ZNF83: variants seen among roughly 807,000 people sequenced by gnomAD.
The protein encoded by ZNF83 is zinc finger protein 83, also known as zinc finger protein 816B.
For synonymous variants in ZNF83, 209 were observed against 213.0 expected (o/e 0.98, Z 0.17); for missense variants, 552 against 629.9 (o/e 0.88, Z 1.32).
chr19:52,689,017 CATT>C (rs2062097777), intron 1 of ZNF83, among the ~76,000 whole-genome samples: 1 of 149,810 alleles, frequency 6.7e-6, no homozygotes, highest in African/African-American at 2.5e-5. Context: ...GCTTCTTAAG[CATT>C]ATTATGTTTT....
intron 1 of ZNF83, among the ~76,000 whole-genome samples, chr19:52,669,983 A>G (rs1333142393): frequency 6.6e-6 from 1 of 152,272 alleles, no homozygotes; most frequent in Non-Finnish European, 1.5e-5. Context: ...AATGTTAGAT[A>G]TGAGTTCTAA....
At chr19:52,612,960 A>G (rs2060151569) in exon 3 of ZNF83, 1 of 1,452,422 alleles carries the variant, frequency 6.9e-7, no homozygotes, top group East Asian at 2.3e-5. Context: ...TTTCTCCAGT[A>G]TAAATTATTG....
intron 2 of ZNF83, among the ~76,000 whole-genome samples, chr19:52,620,100 A>G (rs1404088302): frequency 6.6e-6 from 1 of 152,200 alleles, no homozygotes; most frequent in Non-Finnish European, 1.5e-5. Context: ...TTTTTTATAT[A>G]TATGTCCACA....
intron 1 of ZNF83, among the ~76,000 whole-genome samples, chr19:52,673,900 C>T (rs1304605365): frequency 2.7e-5 from 4 of 149,242 alleles, no homozygotes; most frequent in Non-Finnish European, 3.0e-5. Context: ...CCTGTAATCC[C>T]AGCTACTAGG....
exon 3 of ZNF83, chr19:52,614,756 T>G: frequency 1.5e-6 from 2 of 1,292,604 alleles, no homozygotes; most frequent in Non-Finnish European, 2.0e-6. Flanking sequence ...TTACTCTCCT[T>G]TTTTGGTGGT....
At chr19:52,621,985 C>T (rs553266310) in intron 2 of ZNF83, among the ~76,000 whole-genome samples, 19 of 152,216 alleles carry the variant, frequency 1.2e-4, no homozygotes, top group Admixed American at 1.2e-3. Context: ...TCAGTCCCAA[C>T]ACCAACTGCT....
chr19:52,663,502 T>TAGAG (rs2061606123), intron 1 of ZNF83, among the ~76,000 whole-genome samples: 1 of 152,202 alleles, frequency 6.6e-6, no homozygotes, highest in African/African-American at 2.4e-5. Context: ...AATGTTTACT[T>TAGAG]AGAGGCTCAC....
intron 2 of ZNF83, among the ~76,000 whole-genome samples, chr19:52,631,780 G>A (rs1045494002): frequency 2.2e-4 from 33 of 152,084 alleles, no homozygotes; most frequent in African/African-American, 4.3e-4. Context: ...AGGCCTAATC[G>A]CCACACACCA....
chr19:52,672,538 A>G (rs1341063011), intron 1 of ZNF83, among the ~76,000 whole-genome samples: 2 of 152,236 alleles, frequency 1.3e-5, no homozygotes, highest in Non-Finnish European at 2.9e-5. Flanking sequence ...GCTAGTGCCC[A>G]ACAGTTGGAG....
chr19:52,687,875 T>G (rs1190283530), intron 1 of ZNF83, among the ~76,000 whole-genome samples: 1 of 150,984 alleles, frequency 6.6e-6, no homozygotes, highest in Non-Finnish European at 1.5e-5. Context: ...AGAAAGTGAT[T>G]TTTGTTGCAC....
chr19:52,652,752 T>C, intron 3 of ZNF83: 2 of 786,466 alleles, frequency 2.5e-6, no homozygotes, highest in Admixed American at 2.0e-5. Context: ...CATGGATTGC[T>C]TGATGATGAA....
At chr19:52,676,987 TGCGGAAG>T (rs2061822969) in intron 1 of ZNF83, among the ~76,000 whole-genome samples, 1 of 145,166 alleles carries the variant, frequency 6.9e-6, no homozygotes, top group Non-Finnish European at 1.5e-5. Context: ...ACACAAACAC[TGCGGAAG>T]GCCGCAGGGT....
chr19:52,670,762 T>C (rs1277648822), intron 1 of ZNF83, among the ~76,000 whole-genome samples: 1 of 152,182 alleles, frequency 6.6e-6, no homozygotes, highest in African/African-American at 2.4e-5. Context: ...ATTTAAAAGA[T>C]GCATTAATTT....
intron 1 of ZNF83, among the ~76,000 whole-genome samples, chr19:52,672,160 G>A (rs1341758363): frequency 6.6e-6 from 1 of 152,096 alleles, no homozygotes; most frequent in East Asian, 1.9e-4. Flanking sequence ...CTTGAATCCA[G>A]GAGGCAGAGG....
chr19:52,648,458 A>G (rs894892678), intron 3 of ZNF83, among the ~76,000 whole-genome samples: 5 of 150,642 alleles, frequency 3.3e-5, no homozygotes, highest in East Asian at 1.9e-4. Context: ...AAGGAAAAAA[A>G]AAAGAGAGAG....
exon 3 of ZNF83, chr19:52,612,799 T>G: frequency 2.0e-6 from 1 of 494,750 alleles, no homozygotes. Flanking sequence ...CAGCAAGAAT[T>G]CTTTGAAGAA....
chr19:52,625,825 C>T (rs1265949000), intron 2 of ZNF83, among the ~76,000 whole-genome samples: 2 of 152,094 alleles, frequency 1.3e-5, no homozygotes, highest in African/African-American at 2.4e-5. Context: ...TTGAACCTCC[C>T]CCTCTACACA....
intron 1 of ZNF83, chr19:52,636,877 C>T (rs1053014423): frequency 6.7e-6 from 1 of 149,694 alleles, no homozygotes. Context: ...AAGCTAGACT[C>T]GAACTCCTGT....
intron 2 of ZNF83, among the ~76,000 whole-genome samples, 186 bp downstream of exon 2, chr19:52,634,880 T>C (rs1356297887): frequency 6.6e-6 from 1 of 152,086 alleles, no homozygotes; most frequent in Non-Finnish European, 1.5e-5. Context: ...CTTCCCAAGT[T>C]CATGTGATTG....
Sources: gnomAD v4.1 joint callset for allele counts (sites outside exome capture counted in the v4.1 genomes callset) on GRCh38, gnomAD v4.1.1 for gene constraint, MANE v1.5 for transcripts, NCBI Gene and HGNC (gene_info 2026-07-23, HGNC 2026-07-21) for gene names.